The following NCKAP5 variants were observed in gnomAD, a reference collection of about 807,000 sequenced individuals.
The protein encoded by NCKAP5 is nck-associated protein 5.
NCKAP5 carries 92 observed loss-of-function variants against 167.0 expected under a neutral mutation model. The observed-to-expected ratio is 0.55, with a 90% CI of 0.47 to 0.66. The LOEUF (loss-of-function observed/expected upper bound fraction) is 0.66. NCKAP5 is among the 30% of genes least tolerant of loss of function. The pLI, the probability that NCKAP5 is intolerant of heterozygous loss-of-function variation, is 0.00. For synonymous variants in NCKAP5, 891 were observed against 877.4 expected (o/e 1.02, Z -0.27); for missense variants, 2,378 against 2,315.0 (o/e 1.03, Z -0.56).
At chr2:133,179,365 G>T (rs868057683) in intron 5 of NCKAP5, among the ~76,000 whole-genome samples, 9 of 150,362 alleles carry the variant, frequency 6.0e-5, no homozygotes, top group Non-Finnish European at 8.9e-5. Context: ...TTTGAATTTT[G>T]GAGCATTTTC....
the NCKAP5 span, among the ~76,000 whole-genome samples, chr2:133,579,538 C>A: frequency 6.6e-6 from 1 of 152,078 alleles, no homozygotes; most frequent in East Asian, 1.9e-4. Flanking sequence ...GGGCAGGAGG[C>A]CAGTTGAGGG....
At chr2:132,792,782 T>C (rs2105128770) in intron 12 of NCKAP5, among the ~76,000 whole-genome samples, 1 of 152,342 alleles carries the variant, frequency 6.6e-6, no homozygotes, top group Admixed American at 6.5e-5. Flanking sequence ...CCTTCCCGCC[T>C]GTTCTTCCTA....
chr2:133,217,330 C>G (rs2086474071), intron 4 of NCKAP5, among the ~76,000 whole-genome samples: 1 of 151,976 alleles, frequency 6.6e-6, no homozygotes, highest in Non-Finnish European at 1.5e-5. Context: ...AACAAAAAAA[C>G]AGAAACACTG....
intron 19 of NCKAP5, among the ~76,000 whole-genome samples, chr2:132,679,678 A>T (rs1295399084): frequency 6.6e-6 from 1 of 152,190 alleles, no homozygotes; most frequent in Non-Finnish European, 1.5e-5. Flanking sequence ...GGAAGCAAAT[A>T]AATGAAGTCT....
intron 12 of NCKAP5, among the ~76,000 whole-genome samples, chr2:132,794,223 CATATATATATATATATATATATATAT>C (rs1166750939): frequency 2.8e-4 from 6 of 21,176 alleles, no homozygotes; most frequent in Non-Finnish European, 4.4e-4. Flanking sequence ...AATGTTTATA[CATATATATATATATATATATATATAT>C]ATATATATAT....
intron 11 of NCKAP5, among the ~76,000 whole-genome samples, chr2:132,803,246 T>C (rs1685173576): frequency 6.6e-6 from 1 of 152,236 alleles, no homozygotes; most frequent in Non-Finnish European, 1.5e-5. Context: ...CTTCAGTGTC[T>C]GAAATTTTTA....
intron 19 of NCKAP5, chr2:132,714,908 A>G (rs761705040): frequency 1.1e-5 from 5 of 456,136 alleles, no homozygotes; most frequent in Non-Finnish European, 2.2e-5. Flanking sequence ...TACCCAGCCA[A>G]AGGGCTCATG....
At chr2:133,071,262 A>G (rs113398162) in intron 6 of NCKAP5, among the ~76,000 whole-genome samples, 2,430 of 152,286 alleles carry the variant, frequency 0.016, 75 homozygotes, top group African/African-American at 0.054. Flanking sequence ...AATCACAGTC[A>G]GTGAAACCCC....
At chr2:133,470,885 G>GCACCCACTGACCTGCGCC (rs1679220560) in intron 3 of NCKAP5, among the ~76,000 whole-genome samples, 1 of 152,058 alleles carries the variant, frequency 6.6e-6, no homozygotes, top group South Asian at 2.1e-4. Context: ...CATGGTGCGC[G>GCACCCACTGACCTGCGCC]CACCCACTGA....
chr2:133,323,101 CTTG>C (rs1273121884), intron 3 of NCKAP5, among the ~76,000 whole-genome samples: 4 of 152,144 alleles, frequency 2.6e-5, no homozygotes, highest in African/African-American at 9.7e-5. Flanking sequence ...CAAATGGACA[CTTG>C]TTGGTTTGTG....
rs750383111 is a variant in NCKAP5 at position 132,785,366 on chromosome 2, G to A, written c.1445C>T (p.Pro482Leu). The A allele has an allele frequency of 2.5e-6, 4 of 1,614,000 alleles. No individual in the cohort carries two copies. The highest frequency in any genetic ancestry group is 1.1e-5 in the South Asian group (1 of 91,072). The change falls in exon 14 of 20, where the codon CCT (proline) becomes CTT (leucine). Residue 482 changes from proline to leucine, a missense_variant. Around this residue, in one of 3 missense-constraint regions of NCKAP5, gnomAD observed 1,049 missense variants for 1,023.4 expected, o/e 1.02. Coordinates refer to ENST00000409261, the MANE Select transcript of NCKAP5 (RefSeq NM_207363.3). ...LDSHVDADDD[P>L]STLALLQAVP... ...TGCTTGGAGCAATGCTAAGGTGGAA[G>A]GGTCATCGTCCGCATCAACGTGGGA... is the stretch of plus-strand genomic sequence containing the variant.
the NCKAP5 span, among the ~76,000 whole-genome samples, chr2:133,593,905 T>C: frequency 1.8e-3 from 276 of 152,326 alleles, 2 homozygotes; most frequent in Non-Finnish European, 2.2e-3. Context: ...TGGTCCCCTG[T>C]GCAAGTGCCA....
intron 6 of NCKAP5, among the ~76,000 whole-genome samples, chr2:133,027,157 C>T (rs923549643): frequency 3.9e-5 from 6 of 152,154 alleles, no homozygotes; most frequent in South Asian, 2.1e-4. Flanking sequence ...GACCTGGTAA[C>T]CATTAATATG....
chr2:132,806,829 C>T (rs973046630), intron 11 of NCKAP5, among the ~76,000 whole-genome samples: 3 of 152,154 alleles, frequency 2.0e-5, no homozygotes, highest in Non-Finnish European at 4.4e-5. Context: ...GGTTCTTGGT[C>T]ATGAAATCCT....
intron 3 of NCKAP5, among the ~76,000 whole-genome samples, chr2:133,465,531 G>C (rs1692516095): frequency 6.6e-6 from 1 of 152,034 alleles, no homozygotes; most frequent in East Asian, 1.9e-4. Flanking sequence ...CCCAGTAATG[G>C]GATGGCTGGG....
chr2:132,936,314 T>C (rs1428777952), intron 8 of NCKAP5, among the ~76,000 whole-genome samples: 1 of 152,134 alleles, frequency 6.6e-6, no homozygotes, highest in Non-Finnish European at 1.5e-5. Context: ...CTTTAAAAAG[T>C]CATAGAAACA....
At chr2:133,661,072 T>C in the NCKAP5 span, among the ~76,000 whole-genome samples, 1 of 152,080 alleles carries the variant, frequency 6.6e-6, no homozygotes, top group African/African-American at 2.4e-5. Flanking sequence ...CCAGCAGTGT[T>C]TACCCAGACT....
At chr2:133,520,145 C>T (rs1295278262) in intron 2 of NCKAP5, among the ~76,000 whole-genome samples, 2 of 152,100 alleles carry the variant, frequency 1.3e-5, no homozygotes, top group South Asian at 4.1e-4. Context: ...GAGCCAAGAT[C>T]GCGCCACTGC....
chr2:133,175,424 T>C (rs1381592181), intron 5 of NCKAP5, among the ~76,000 whole-genome samples: 1 of 152,220 alleles, frequency 6.6e-6, no homozygotes, highest in Non-Finnish European at 1.5e-5. Flanking sequence ...CGTTTTTCTG[T>C]ACTAGGATTA....
Sources: gnomAD v4.1 joint callset for allele counts (sites outside exome capture counted in the v4.1 genomes callset) on GRCh38, gnomAD v4.1.1 for gene constraint, gnomAD v4.1.1 regional missense constraint, MANE v1.5 for transcripts, NCBI Gene and HGNC (gene_info 2026-07-23, HGNC 2026-07-21) for gene names.